TOGARAM2: variants seen among roughly 807,000 people sequenced by gnomAD.
The protein encoded by TOGARAM2 is TOG array regulator of axonemal microtubules protein 2.
In TOGARAM2, 85 loss-of-function variants were observed where a neutral mutation model predicts 93.3. The ratio of observed to expected loss-of-function variants is 0.91; its 90% CI spans 0.76 to 1.09. The LOEUF (loss-of-function observed/expected upper bound fraction) is 1.09, where lower values mean the gene tolerates loss of function less well. Ranked by LOEUF, TOGARAM2 falls within the 50% of genes least tolerant of loss-of-function variation. The pLI is 0.00. For missense variants in TOGARAM2, 1,277 were observed against 1,334.5 expected, an observed-to-expected ratio of 0.96 and a Z score of 0.67; for synonymous variants, 593 against 552.8, an observed-to-expected ratio of 1.07 and a Z score of -1.02.
Position 29,002,602 on chromosome 2 carries a change from C to T in TOGARAM2, c.494C>T (p.Ser165Phe). The T allele has an allele frequency of 6.2e-7, 1 of 1,614,024 alleles. No homozygotes were observed. Among genetic ancestry groups the T allele is most frequent in the Non-Finnish European group, 8.5e-7 (1 of 1,179,894 alleles). ...PLHSTIPRAT[S>F]QRLLRVPRPM... The stretch of plus-strand genomic sequence containing the variant: ...CACAGCACCATCCCCCGAGCCACCT[C>T]TCAGAGGCTGCTGAGGGTGCCCAGG... The change falls in exon 5 of 20, where the codon TCT becomes TTT. Residue 165 changes from serine to phenylalanine, a missense_variant. Coordinates refer to ENST00000379558, the MANE Select transcript of TOGARAM2 (RefSeq NM_199280.4).
Position 29,005,783 on chromosome 2 carries a change from TG to T in TOGARAM2, c.830+2102del, listed in dbSNP as rs1663720982. On this transcript the variant is annotated intron_variant, in intron 6 of 19. Coordinates refer to ENST00000379558, the MANE Select transcript of TOGARAM2 (RefSeq NM_199280.4). ...TGTGTGAGTACATGTGTGGAGTATC[TG>T]TGTGTGCATGTGTATGAGTGCATGT... Among the ~76,000 whole-genome samples the T allele has an allele frequency of 1.5e-4, 2 of 13,068 alleles. 1 individual carries two copies. The highest frequency in any genetic ancestry group is 2.8e-3 in the Admixed American group (2 of 710). The allele number at this position is 13,068 out of a possible 152,430, so 8.6% of individuals were successfully genotyped here. A position where few individuals can be genotyped will look rare whatever the true frequency, so the allele number is the denominator to read the frequency against.
intron 7 of TOGARAM2, among the ~76,000 whole-genome samples, chr2:29,013,849 A>G (rs1393250496): frequency 6.6e-6 from 1 of 152,208 alleles, no homozygotes; most frequent in African/African-American, 2.4e-5. Flanking sequence ...TTGACCAGCT[A>G]TGTAAGCATC....
rs185694443 is a variant in TOGARAM2, at chr2:28,975,916, A to G, written c.-146-18809A>G. On this transcript the variant is annotated intron_variant, in intron 1 of 6. Coordinates refer to the TOGARAM2 transcript ENST00000401723. ...TGATGGGATGGAATTTCAGCTCCCC[A>G]CTGGGCCCTGCTGGTGGAGGCTTTT... 5.1e-3 allele frequency among the ~76,000 whole-genome samples: 779 copies of G among 152,206 alleles called. 9 individuals carry two copies. The highest frequency in any genetic ancestry group is 6.1e-3 in the Non-Finnish European group (416 of 68,026).
chr2:29,003,650 A>T lies in TOGARAM2; in HGVS notation c.798A>T (p.Gly266=). 1.3e-6 allele frequency: 2 copies of T among 1,583,576 alleles called. No individual in the cohort carries two copies. Among genetic ancestry groups the T allele is most frequent in the Non-Finnish European group, 8.6e-7 (1 of 1,166,302 alleles). Residue 266 remains glycine (G), a synonymous_variant, in exon 6 of 20, where the codon GGA becomes GGT. Transcript: ENST00000379558. ...CCAGCCCGTTACCTCCAGGCCAGGG[A>T]GTCCTCACAGGCCTGAGGGCCCCAC... ...SLPSPLPPGQ[G]VLTGLRAPRT...
At position 29,022,219 on chromosome 2, in the gene TOGARAM2, G is replaced by A; in HGVS notation, c.1422G>A (p.Met474Ile). ...GSPEWEEEEEMDLRACKELRP... is the reference protein window; with the variant it reads ...GSPEWEEEEEIDLRACKELRP... ...CTGAATGGGAAGAAGAGGAGGAGAT[G>A]GATCTTAGAGCCTGTAAGGAGTTGA... Residue 474 changes from methionine to isoleucine, a missense_variant, in exon 11 of 20, where the codon ATG becomes ATA. By Grantham distance (10) the Met-to-Ile change is conservative. Transcript: ENST00000379558. The A allele has an allele frequency of 1.2e-6, 2 of 1,614,048 alleles. No individual in the cohort carries two copies. Among genetic ancestry groups the A allele is most frequent in the Non-Finnish European group, 8.5e-7 (1 of 1,179,892 alleles).
At chr2:29,011,571 C>A in intron 7 of TOGARAM2, 70 bp downstream of exon 7, 1 of 1,446,534 alleles carries the variant, frequency 6.9e-7, no homozygotes, top group Non-Finnish European at 9.4e-7. Flanking sequence ...GTCAGGGAAA[C>A]AGAATTAGGG....
intron 8 of TOGARAM2, among the ~76,000 whole-genome samples, 155 bp from the exon 9 acceptor site, chr2:29,016,999 C>G (rs971036319): frequency 6.6e-6 from 1 of 152,236 alleles, no homozygotes; most frequent in African/African-American, 2.4e-5. Flanking sequence ...TGTTGTCTCT[C>G]CCCCACACTT....
intron 6 of TOGARAM2, 91 bp downstream of exon 6, chr2:29,003,773 C>T: frequency 4.9e-6 from 6 of 1,216,182 alleles, no homozygotes; most frequent in Non-Finnish European, 6.6e-6. Flanking sequence ...ACCCTCCATG[C>T]TGTGGCAGAG....
intron 1 of TOGARAM2, among the ~76,000 whole-genome samples, chr2:28,968,517 C>T (rs1177024234): frequency 1.3e-5 from 2 of 152,032 alleles, no homozygotes; most frequent in East Asian, 3.9e-4. Context: ...ACACCTTTGT[C>T]CTTTTCCTCG....
rs761126997 is a variant in TOGARAM2, at chr2:29,051,977, A to G, written c.2944A>G (p.Thr982Ala). ...CAGCCAGCCAAAGCACGTCCTCAAG[A>G]CGCTCCAGGAACTCTTAGACTCAGA... is the stretch of plus-strand genomic sequence containing the variant. ...AASQPKHVLK[T>A]LQELLDSESL... Residue 982 changes from threonine to alanine, a missense_variant, in exon 20 of 20, where the codon ACG (threonine) becomes GCG (alanine). Physicochemically the swap from Thr to Ala is moderately conservative, Grantham distance 58. Transcript: ENST00000379558. 5.0e-6 allele frequency: 8 copies of G among 1,612,744 alleles called. No homozygotes were observed. In the African/African-American group the frequency reaches 1.1e-4, roughly 22 times the overall value.
intron 1 of TOGARAM2, among the ~76,000 whole-genome samples, chr2:28,964,122 C>G (rs930799013): frequency 6.6e-6 from 1 of 152,136 alleles, no homozygotes; most frequent in African/African-American, 2.4e-5. Flanking sequence ...CTACTTCTCC[C>G]ATTAATTACT....
At chr2:29,015,740 A>G (rs13025679) in intron 8 of TOGARAM2, among the ~76,000 whole-genome samples, 33,909 of 151,960 alleles carry the variant, frequency 0.22, 3,914 homozygotes, top group Middle Eastern at 0.3. Flanking sequence ...TCATCCTTGA[A>G]TTCTCCAGCC....
chr2:29,020,600 C>T (rs1426799366), intron 10 of TOGARAM2, among the ~76,000 whole-genome samples: 2 of 152,160 alleles, frequency 1.3e-5, no homozygotes, highest in African/African-American at 4.8e-5. Flanking sequence ...CCTGCCAGTG[C>T]CTTTTGTGGG....
chr2:29,003,459 T>C, intron 5 of TOGARAM2, 33 bp from the exon 6 acceptor site: 4 of 1,429,028 alleles, frequency 2.8e-6, no homozygotes, highest in Non-Finnish European at 3.7e-6. Flanking sequence ...GATGTTGCCA[T>C]AGGCCAGACC....
chr2:29,042,762 T>C (rs1186428009), intron 18 of TOGARAM2, among the ~76,000 whole-genome samples: 1 of 152,206 alleles, frequency 6.6e-6, no homozygotes, highest in East Asian at 1.9e-4. Context: ...ACGGGCATTC[T>C]CTCTTACAGG....
At chr2:28,986,580 T>C (rs1672480084) in intron 1 of TOGARAM2, among the ~76,000 whole-genome samples, 1 of 152,202 alleles carries the variant, frequency 6.6e-6, no homozygotes, top group Non-Finnish European at 1.5e-5. Context: ...TTGACCCCTG[T>C]TGTAAGTGTC....
At chr2:28,971,842 G>A (rs1441955602) in intron 1 of TOGARAM2, among the ~76,000 whole-genome samples, 1 of 152,186 alleles carries the variant, frequency 6.6e-6, no homozygotes, top group Non-Finnish European at 1.5e-5. Context: ...TTATTTGACT[G>A]TGCTCAAGTT....
chr2:29,014,514 G>A lies in TOGARAM2; in HGVS notation c.997G>A (p.Ala333Thr). 6.3e-7 allele frequency: 1 copy of A among 1,577,854 alleles called. No homozygotes were observed. The highest frequency in any genetic ancestry group is 1.2e-5 in the South Asian group (1 of 85,890). ...TAFSFDCAREACPPLKEEDQK... is the reference protein window; with the variant it reads ...TAFSFDCARETCPPLKEEDQK... ...CTTCTCCTTTGACTGTGCCAGAGAA[G>A]CCTGCCCTCCGCTGAAAGAAGAGGA... is the stretch of plus-strand genomic sequence containing the variant. The change falls in exon 8 of 20, where the codon GCC (alanine) becomes ACC (threonine). Residue 333 changes from alanine (A) to threonine (T), a missense_variant. Ala to Thr is a moderately conservative substitution (Grantham distance 58, BLOSUM62 0). Coordinates refer to ENST00000379558, the MANE Select transcript of TOGARAM2 (RefSeq NM_199280.4).
intron 8 of TOGARAM2, among the ~76,000 whole-genome samples, chr2:29,016,777 C>A (rs1356059949): frequency 6.6e-6 from 1 of 152,172 alleles, no homozygotes; most frequent in Non-Finnish European, 1.5e-5. Flanking sequence ...CAAGCACACC[C>A]GGCCTCAGAG....
Sources: gnomAD v4.1 joint callset for allele counts (sites outside exome capture counted in the v4.1 genomes callset) on GRCh38, gnomAD v4.1.1 for gene constraint, MANE v1.5 for transcripts, NCBI Gene and HGNC (gene_info 2026-07-23, HGNC 2026-07-21) for gene names.